The following TEX46 variants were observed in gnomAD, a reference collection of about 807,000 sequenced individuals.
TEX46 encodes testis expressed 46, also known as testis-expressed protein 46.
A neutral mutation model predicts 5.3 loss-of-function variants in TEX46; 6 were observed. The observed-to-expected ratio is 1.13, with a 90% CI of 0.62 to 2.23. The LOEUF (loss-of-function observed/expected upper bound fraction) is 2.23, where lower values mean the gene tolerates loss of function less well. TEX46 is among the 30% of genes most tolerant of loss of function. The pLI is 0.00. For missense variants in TEX46, 131 were observed against 150.9 expected, an observed-to-expected ratio of 0.87 and a Z score of 0.69; for synonymous variants, 41 against 54.6, an observed-to-expected ratio of 0.75 and a Z score of 1.10.
chr1:23,014,107 TG>T (rs1229679815), intron 1 of TEX46, 62 bp from the exon 2 acceptor site: 1 of 1,494,194 alleles, frequency 6.7e-7, no homozygotes, highest in African/African-American at 1.4e-5. Context: ...CCCAGGACCC[TG>T]CCTCAGGCCC....
At position 23,010,955 on chromosome 1, in the gene TEX46, C is replaced by T; in HGVS notation, c.312G>A (p.Arg104=). ...NFPMKKHRMR[R]HESICPTLSD... ...ACAGGGTGGGGCAAATTGACTCATG[C>T]CTCCTCATTCTGTGTTTTTTCATGG... is the stretch of plus-strand genomic sequence containing the variant. Residue 104 remains arginine (R), a synonymous_variant, in exon 3 of 3, where the codon AGG becomes AGA. Transcript: ENST00000566855. 6.5e-7 allele frequency: 1 copy of T among 1,535,202 alleles called. No individual in the cohort carries two copies. Among genetic ancestry groups the T allele is most frequent in the Non-Finnish European group, 8.7e-7 (1 of 1,146,128 alleles).
chr1:23,011,537 C>T (rs916346500), intron 2 of TEX46, among the ~76,000 whole-genome samples: 19 of 152,022 alleles, frequency 1.2e-4, no homozygotes, highest in Non-Finnish European at 1.9e-4. Flanking sequence ...GGATTACAGG[C>T]ACGTGCCACC....
At chr1:23,015,465 A>AAAAAAAAAAAC (rs1641407141) in intron 1 of TEX46, among the ~76,000 whole-genome samples, 2 of 148,480 alleles carry the variant, frequency 1.3e-5, no homozygotes, top group African/African-American at 2.5e-5. Context: ...AAAAAAAAAA[A>AAAAAAAAAAAC]AAAGCATACA....
At position 23,013,982 on chromosome 1, in the gene TEX46, G is replaced by A. The variant is rs1641385983; in HGVS notation, c.66C>T (p.Ser22=). 1 of 1,535,964 alleles carries A rather than the reference G, an allele frequency of 6.5e-7. No homozygotes were observed. The highest frequency in any genetic ancestry group is 2.0e-5 in the Admixed American group (1 of 50,996). The change falls in exon 2 of 3, where the codon AGC becomes AGT. Residue 22 remains serine (S), a synonymous_variant. Transcript: ENST00000566855. ...TIGAVAAWLM[S]YKPALFGFLF... is the part of the protein sequence containing the mutation. ...GGAACCCAAACAAGGCTGGCTTATA[G>A]CTCATCAGCCAAGCTGCCACTGCTC... is the stretch of plus-strand genomic sequence containing the variant.
intron 2 of TEX46, among the ~76,000 whole-genome samples, chr1:23,011,932 G>A (rs899092661): frequency 5.9e-5 from 9 of 152,226 alleles, no homozygotes; most frequent in South Asian, 2.1e-4. Flanking sequence ...CTCAAACTGC[G>A]AAGTCTCAAT....
chr1:23,013,796 C>T (rs1339830078), intron 2 of TEX46, 87 bp downstream of exon 2: 12 of 1,248,722 alleles, frequency 9.6e-6, no homozygotes, highest in Admixed American at 2.2e-5. Flanking sequence ...CCCATTATTT[C>T]GACACCTACC....
chr1:23,013,480 T>C (rs1406339166), intron 2 of TEX46, among the ~76,000 whole-genome samples: 1 of 152,204 alleles, frequency 6.6e-6, no homozygotes, highest in Non-Finnish European at 1.5e-5. Flanking sequence ...GCCTAGCATG[T>C]TTTTTAACAT....
chr1:23,011,432 GC>G (rs1347419401), intron 2 of TEX46, among the ~76,000 whole-genome samples: 7 of 138,504 alleles, frequency 5.1e-5, no homozygotes, highest in Non-Finnish European at 1.1e-4. Flanking sequence ...CACTCTTGTT[GC>G]CCAGGCTGGA....
chr1:23,015,852 T>C lies in TEX46; in HGVS notation c.-79A>G. 1 of 664,552 alleles carries C rather than the reference T, an allele frequency of 1.5e-6. No homozygotes were observed. The allele number at this position is 664,552 out of a possible 1,614,324, so 41.2% of individuals were successfully genotyped here. A position where few individuals can be genotyped will look rare whatever the true frequency, so the allele number is the denominator to read the frequency against. On this transcript the variant is annotated 5_prime_UTR_variant, in exon 1 of 3. Coordinates refer to ENST00000566855, the MANE Select transcript of TEX46 (RefSeq NM_001242521.2). ...CAGGGTCTGGAAGGAGGGGCAAATG[T>C]AGTCATTGTTTAATGTATACAGAAT...
At chr1:23,012,750 C>T (rs1641371146) in intron 2 of TEX46, among the ~76,000 whole-genome samples, 1 of 152,206 alleles carries the variant, frequency 6.6e-6, no homozygotes, top group African/African-American at 2.4e-5. Flanking sequence ...ACAGGTGAGC[C>T]TCCCACAATG....
At chr1:23,015,221 G>A (rs1280229527) in intron 1 of TEX46, among the ~76,000 whole-genome samples, 10 of 151,134 alleles carry the variant, frequency 6.6e-5, no homozygotes, top group Admixed American at 5.3e-4. Flanking sequence ...AGGCTGAGGC[G>A]GGTGGACCAC....
intron 1 of TEX46, among the ~76,000 whole-genome samples, chr1:23,014,898 A>C (rs1466102099): frequency 3.9e-5 from 6 of 151,928 alleles, no homozygotes; most frequent in African/African-American, 1.4e-4. Context: ...GCTGGAGTGC[A>C]CTGGTACCAT....
chr1:23,014,288 A>C, intron 1 of TEX46: 4 of 278,180 alleles, frequency 1.4e-5, no homozygotes, highest in Non-Finnish European at 2.2e-5. Flanking sequence ...ATGTCCTCAC[A>C]ATAGCCAGGT....
At chr1:23,013,345 G>GTATT (rs1028582611) in intron 2 of TEX46, among the ~76,000 whole-genome samples, 2 of 151,734 alleles carry the variant, frequency 1.3e-5, no homozygotes, top group Non-Finnish European at 2.9e-5. Context: ...GCTAATTTTT[G>GTATT]TATTTTTAGT....
chr1:23,013,991 C>T lies in TEX46; in HGVS notation c.57G>A (p.Trp19Ter). 2 of 1,536,090 alleles carry T rather than the reference C, an allele frequency of 1.3e-6. No homozygotes were observed. Among genetic ancestry groups the T allele is most frequent in the Non-Finnish European group, 8.7e-7 (1 of 1,146,886 alleles). ...ACAAGGCTGGCTTATAGCTCATCAGCCAAGCTGCCACTGCTCCTATGGTGC... is the reference window on the plus strand; with the variant it reads ...ACAAGGCTGGCTTATAGCTCATCAGTCAAGCTGCCACTGCTCCTATGGTGC... ...SAGTIGAVAAWLMSYKPALFG... is the reference protein window; with the variant it reads ...SAGTIGAVAA Residue 19 changes from tryptophan to a stop codon, truncating the protein, a stop_gained, in exon 2 of 3, where the codon TGG becomes TGA. Transcript: ENST00000566855. LOFTEE classifies it high-confidence loss of function.
chr1:23,013,790 T>C (rs560184304), intron 2 of TEX46, 93 bp downstream of exon 2: 2 of 1,189,532 alleles, frequency 1.7e-6, no homozygotes, highest in African/African-American at 1.5e-5. Flanking sequence ...TCTTGCCCCA[T>C]TATTTCGACA....
At chr1:23,011,134 C>T (rs1641347604) in intron 2 of TEX46, 33 bp from the exon 3 acceptor site, 3 of 1,511,226 alleles carry the variant, frequency 2.0e-6, no homozygotes, top group Non-Finnish European at 2.7e-6. Flanking sequence ...GTTCTATTGA[C>T]TTCTTTTGTG....
intron 2 of TEX46, 43 bp from the exon 3 acceptor site, chr1:23,011,144 G>A (rs1377820263): frequency 2.7e-6 from 4 of 1,465,108 alleles, no homozygotes; most frequent in African/African-American, 1.4e-5. Context: ...CTTCTTTTGT[G>A]TTCACGGCCT....
chr1:23,011,670 C>A (rs1641352939), intron 2 of TEX46, among the ~76,000 whole-genome samples: 1 of 152,178 alleles, frequency 6.6e-6, no homozygotes, highest in Admixed American at 6.5e-5. Context: ...GGTGATCTGC[C>A]CGCCTTGGCC....
Sources: gnomAD v4.1 joint callset for allele counts (sites outside exome capture counted in the v4.1 genomes callset) on GRCh38, gnomAD v4.1.1 for gene constraint, MANE v1.5 for transcripts, NCBI Gene and HGNC (gene_info 2026-07-23, HGNC 2026-07-21) for gene names.